Variants in AGRP observed in about 807,000 individuals in gnomAD.
The protein encoded by AGRP is agouti related neuropeptide, also known as agouti-related protein.
In AGRP, 8 loss-of-function variants were observed where a neutral mutation model predicts 13.6. The ratio of observed to expected loss-of-function variants is 0.59; its 90% CI spans 0.35 to 1.06. The LOEUF (loss-of-function observed/expected upper bound fraction) is 1.06. AGRP is among the 50% of genes least tolerant of loss of function. AGRP has a pLI of 0.02. For missense variants in AGRP, 155 were observed against 174.8 expected (o/e 0.89, Z 0.64); for synonymous variants, 63 against 72.4 (o/e 0.87, Z 0.66).
chr16:67,482,869 T>A (rs1485873372), intron 3 of AGRP, 51 bp from the exon 4 acceptor site: 1 of 1,606,274 alleles, frequency 6.2e-7, no homozygotes, highest in East Asian at 2.2e-5. Flanking sequence ...TCCAGGGATC[T>A]TACCTGTCCC....
intron 2 of AGRP, 60 bp downstream of exon 2, chr16:67,483,209 G>C: frequency 6.3e-7 from 1 of 1,598,578 alleles, no homozygotes; most frequent in Non-Finnish European, 8.5e-7. Context: ...TGCCAGGGGA[G>C]ACTATTTGTG....
In AGRP at chr16:67,482,671, G is replaced by A; in HGVS notation, c.364C>T (p.Leu122=). 1 of 1,614,194 alleles carries A rather than the reference G, an allele frequency of 6.2e-7. No homozygotes were observed. Among genetic ancestry groups the A allele is most frequent in the Non-Finnish European group, 8.5e-7 (1 of 1,180,042 alleles). ...CTGCAGGGATTCATGGCAGTACCCA[G>A]CTTGCGGCAGTAGCAGAAGGCATTG... ...FFNAFCYCRK[L]GTAMNPCSRT is the part of the protein sequence containing the mutation. The change falls in exon 4 of 4, where the codon CTG becomes TTG. Residue 122 remains leucine (L), a synonymous_variant. Transcript: ENST00000290953.
rs143230157 is a variant in AGRP at position 67,483,056 on chromosome 16, T to C, written c.185A>G (p.Asp62Gly). 1 of 1,614,046 alleles carries C rather than the reference T, an allele frequency of 6.2e-7. No individual in the cohort carries two copies. The highest frequency in any genetic ancestry group is 1.3e-5 in the African/African-American group (1 of 74,918). ...CAAGGCCTGAGCCTCCTGCAACAGA[T>C]CCTCTTCTGCCTGTTCTGCAGTTGT... is the stretch of plus-strand genomic sequence containing the variant. ...KKTTAEQAEE[D>G]LLQEAQALAE... The change falls in exon 3 of 4, where the codon GAT becomes GGT. Residue 62 changes from aspartate to glycine, a missense_variant. Asp to Gly is a moderately conservative substitution (Grantham distance 94, BLOSUM62 -1). Transcript: ENST00000290953.
At position 67,482,779 on chromosome 16, in the gene AGRP, G is replaced by T; in HGVS notation, c.256C>A (p.Arg86Ser). The T allele has an allele frequency of 1.2e-6, 2 of 1,614,176 alleles. No individual in the cohort carries two copies. Among genetic ancestry groups the T allele is most frequent in the Non-Finnish European group, 1.7e-6 (2 of 1,180,030 alleles). ...CAGGACTCATGCAGCCTTACGCAGCGACGTGAGGAGCGGGGCTCGCGGTCC... is the reference window on the plus strand; with the variant it reads ...CAGGACTCATGCAGCCTTACGCAGCTACGTGAGGAGCGGGGCTCGCGGTCC... ...LQDREPRSSR[R>S]CVRLHESCLG... The change falls in exon 4 of 4, where the codon CGC becomes AGC. Residue 86 changes from arginine (R) to serine (S), a missense_variant. Physicochemically the swap from Arg to Ser is moderately radical, Grantham distance 110 (BLOSUM62 -1). Transcript: ENST00000290953.
intron 1 of AGRP, 33 bp downstream of exon 1, chr16:67,483,484 G>A: frequency 7.1e-7 from 1 of 1,402,500 alleles, no homozygotes; most frequent in Non-Finnish European, 9.3e-7. Context: ...ACCCCACAGA[G>A]AGGAGGAGTC....
Position 67,483,521 on chromosome 16 carries a change from G to T in AGRP, c.-8C>A. ...CTGCCCAACCTGAGGACTCACCTCT[G>T]CCTCCGGGATTCTTGCCTAGAGAGT... On this transcript the variant is annotated 5_prime_UTR_variant, in exon 1 of 4. Transcript: ENST00000290953. 2 of 1,180,266 alleles carry T rather than the reference G, an allele frequency of 1.7e-6. No homozygotes were observed. The highest frequency in any genetic ancestry group is 3.0e-5 in the Admixed American group (1 of 33,048). 73.1% of individuals were successfully genotyped at this position (1,180,266 alleles called of 1,614,324 possible).
In AGRP at chr16:67,483,009, T is replaced by C; in HGVS notation, c.216+16A>G. 6.2e-7 allele frequency: 1 copy of C among 1,613,384 alleles called. No homozygotes were observed. The highest frequency in any genetic ancestry group is 8.5e-7 in the Non-Finnish European group (1 of 1,179,318). On this transcript the variant is annotated intron_variant, in intron 3 of 3. Coordinates refer to ENST00000290953, the MANE Select transcript of AGRP (RefSeq NM_001138.2). ...TCCCAAGGGCCACCACCTTACCCTT[T>C]TCCCTGAGCAGTTACCTCTGCCAAG...
chr16:67,483,254 C>T lies in AGRP; in HGVS notation c.130+15G>A. ...TATTCAGGCCCCGCCCAGTCCCACC[C>T]TTGCTCACACTGACCTGGGAGCTCT... On this transcript the variant is annotated intron_variant, in intron 2 of 3. Transcript: ENST00000290953. 2 of 1,582,880 alleles carry T rather than the reference C, an allele frequency of 1.3e-6. No homozygotes were observed. The highest frequency in any genetic ancestry group is 1.3e-5 in the African/African-American group (1 of 74,436).
chr16:67,483,209 G>T, intron 2 of AGRP, 60 bp downstream of exon 2: 1 of 1,598,578 alleles, frequency 6.3e-7, no homozygotes. Flanking sequence ...TGCCAGGGGA[G>T]ACTATTTGTG....
In AGRP at chr16:67,482,618, G is replaced by T; in HGVS notation, c.*18C>A. The T allele has an allele frequency of 6.2e-7, 1 of 1,613,920 alleles. No homozygotes were observed. The highest frequency in any genetic ancestry group is 1.1e-5 in the South Asian group (1 of 91,042). The stretch of plus-strand genomic sequence containing the variant: ...GTTTCCTTGCCCCTACCCTAGCCCC[G>T]ACCCTGACGTTGGCCAGCTAGGTGC... On this transcript the variant is annotated 3_prime_UTR_variant, in exon 4 of 4. Transcript: ENST00000290953.
Position 67,483,387 on chromosome 16 carries a change from T to G in AGRP, c.12A>C (p.Ala4=). The change falls in exon 2 of 4, where the codon GCA becomes GCC. Residue 4 remains alanine (A), a synonymous_variant. Transcript: ENST00000290953. MLT[A]AVLSCALLLA... ...GCAGCAGGGCACAGCTCAGCACCGC[T>G]GCGGTCAGCATGGCCTGGCTCAGCA... 1 of 1,517,520 alleles carries G rather than the reference T, an allele frequency of 6.6e-7. No homozygotes were observed. The highest frequency in any genetic ancestry group is 2.3e-5 in the East Asian group (1 of 43,934). 94.0% of individuals were successfully genotyped at this position (1,517,520 alleles called of 1,614,324 possible). A position where few individuals can be genotyped will look rare whatever the true frequency, so the allele number is the denominator to read the frequency against.
rs758198920 is a variant in AGRP, at chr16:67,482,621, C to A, written c.*15G>T. On this transcript the variant is annotated 3_prime_UTR_variant, in exon 4 of 4. Transcript: ENST00000290953. Reference sequence around the variant, plus strand: ...TCCTTGCCCCTACCCTAGCCCCGACCCTGACGTTGGCCAGCTAGGTGCGGC... The same window carrying A: ...TCCTTGCCCCTACCCTAGCCCCGACACTGACGTTGGCCAGCTAGGTGCGGC... 6 of 1,614,136 alleles carry A rather than the reference C, an allele frequency of 3.7e-6. No individual in the cohort carries two copies. The East Asian group carries it at 1.3e-4, about 36-fold the overall frequency.
In AGRP at chr16:67,482,735, A is replaced by C. The variant is rs779648976; in HGVS notation, c.300T>G (p.Pro100=). The C allele has an allele frequency of 1.3e-5, 21 of 1,614,088 alleles. No homozygotes were observed. The highest frequency in any genetic ancestry group is 3.3e-4 in the Middle Eastern group (2 of 6,084). ...LHESCLGQQV[P]CCDPCATCYC... Reference sequence around the variant, plus strand: ...AGCACGTGGCACATGGGTCACAGCAAGGCACCTGCTGTCCCAGGCAGGACT... The same window carrying C: ...AGCACGTGGCACATGGGTCACAGCACGGCACCTGCTGTCCCAGGCAGGACT... Residue 100 remains proline (P), a synonymous_variant, in exon 4 of 4, where the codon CCT becomes CCG. Transcript: ENST00000290953.
In AGRP at chr16:67,483,342, T is replaced by C; in HGVS notation, c.57A>G (p.Arg19=). 1 of 1,553,210 alleles carries C rather than the reference T, an allele frequency of 6.4e-7. No individual in the cohort carries two copies. The highest frequency in any genetic ancestry group is 8.7e-7 in the Non-Finnish European group (1 of 1,152,090). The change falls in exon 2 of 4, where the codon CGA becomes CGG. Residue 19 remains arginine (R), a synonymous_variant. Transcript: ENST00000290953. ...TGGGGGCCAAGCCCATCTGGGCTCC[T>C]CGCGTGGCAGGCAGTGCCAGCAGCA... The part of the protein sequence containing the change: ...CALLLALPAT[R]GAQMGLAPME...
Position 67,483,498 on chromosome 16 carries a change from G to T in AGRP, c.-4+19C>A. On this transcript the variant is annotated intron_variant, in intron 1 of 3. Transcript: ENST00000290953. The stretch of plus-strand genomic sequence containing the variant: ...GACCCCACAGAGAGGAGGAGTCCCT[G>T]CCCAACCTGAGGACTCACCTCTGCC... 7.5e-7 allele frequency: 1 copy of T among 1,333,898 alleles called. No individual in the cohort carries two copies. The highest frequency in any genetic ancestry group is 9.8e-7 in the Non-Finnish European group (1 of 1,018,638). 82.6% of individuals were successfully genotyped at this position (1,333,898 alleles called of 1,614,324 possible). A position where few individuals can be genotyped will look rare whatever the true frequency, so the allele number is the denominator to read the frequency against.
intron 2 of AGRP, 21 bp downstream of exon 2, chr16:67,483,248 C>T: frequency 6.4e-7 from 1 of 1,572,016 alleles, no homozygotes. Context: ...CCCGCCCAGT[C>T]CCACCCTTGC....
rs1196315492 is a variant in AGRP, at chr16:67,483,505, C to T, written c.-4+12G>A. The T allele has an allele frequency of 5.4e-6, 7 of 1,286,574 alleles. No individual in the cohort carries two copies. Among genetic ancestry groups the T allele is most frequent in the Non-Finnish European group, 7.1e-6 (7 of 979,524 alleles). 79.7% of individuals were successfully genotyped at this position (1,286,574 alleles called of 1,614,324 possible). ...CAGAGAGGAGGAGTCCCTGCCCAAC[C>T]TGAGGACTCACCTCTGCCTCCGGGA... On this transcript the variant is annotated intron_variant, in intron 1 of 3. Coordinates refer to ENST00000290953, the MANE Select transcript of AGRP (RefSeq NM_001138.2).
chr16:67,483,505 C>G lies in AGRP; in HGVS notation c.-4+12G>C. 2 of 1,286,692 alleles carry G rather than the reference C, an allele frequency of 1.6e-6. No homozygotes were observed. Among genetic ancestry groups the G allele is most frequent in the Non-Finnish European group, 2.0e-6 (2 of 979,516 alleles). The allele number at this position is 1,286,692 out of a possible 1,614,324, so 79.7% of individuals were successfully genotyped here. ...CAGAGAGGAGGAGTCCCTGCCCAAC[C>G]TGAGGACTCACCTCTGCCTCCGGGA... On this transcript the variant is annotated intron_variant, in intron 1 of 3. Transcript: ENST00000290953.
At chr16:67,483,181 A>C in intron 2 of AGRP, 71 bp from the exon 3 acceptor site, 1 of 1,610,314 alleles carries the variant, frequency 6.2e-7, no homozygotes, top group Non-Finnish European at 8.5e-7. Context: ...GGGTTTGGGA[A>C]GGGAGAAAGA....
Sources: gnomAD v4.1 joint callset for allele counts on GRCh38, gnomAD v4.1.1 for gene constraint, MANE v1.5 for transcripts, NCBI Gene and HGNC (gene_info 2026-07-23, HGNC 2026-07-21) for gene names.